OVCH1: variants seen among roughly 807,000 people sequenced by gnomAD.
OVCH1 encodes the protein ovochymase 1.
In OVCH1, 139 loss-of-function variants were observed where a neutral mutation model predicts 138.4. The observed-to-expected ratio is 1.00, with a 90% CI of 0.87 to 1.16. The LOEUF (loss-of-function observed/expected upper bound fraction) is 1.16, where lower values mean the gene tolerates loss of function less well. OVCH1 is among the 50% of genes most tolerant of loss of function. OVCH1 has a pLI of 0.00. For missense variants in OVCH1, 1,367 were observed against 1,357.9 expected (o/e 1.01, Z -0.11); for synonymous variants, 453 against 467.8 (o/e 0.97, Z 0.41).
At chr12:29,478,957 C>A in intron 8 of OVCH1, 2 of 1,375,862 alleles carry the variant, frequency 1.5e-6, no homozygotes, top group Non-Finnish European at 2.0e-6. Context: ...CATTATTTTC[C>A]AAACATATAA....
downstream of OVCH1, among the ~76,000 whole-genome samples, chr12:29,423,602 G>C (rs973765551): frequency 6.6e-6 from 1 of 152,182 alleles, no homozygotes; most frequent in African/African-American, 2.4e-5. Context: ...ACTAGACAGA[G>C]ACACAAAAGT....
intron 27 of OVCH1, among the ~76,000 whole-genome samples, chr12:29,429,204 C>CCAT (rs1941228673): frequency 6.6e-6 from 1 of 152,156 alleles, no homozygotes; most frequent in Non-Finnish European, 1.5e-5. Flanking sequence ...AAAAAAGTTA[C>CCAT]CATCTAAAAA....
intron 14 of OVCH1, among the ~76,000 whole-genome samples, chr12:29,474,770 AC>A (rs1405919429): frequency 4.6e-5 from 7 of 152,116 alleles, no homozygotes; most frequent in Non-Finnish European, 1.0e-4. Flanking sequence ...TTTCTGAATT[AC>A]CTTCTTTAAT....
At chr12:29,405,214 G>A in the OVCH1 span, among the ~76,000 whole-genome samples, 1 of 151,974 alleles carries the variant, frequency 6.6e-6, no homozygotes, top group Non-Finnish European at 1.5e-5. Flanking sequence ...ACTTAACAAT[G>A]TATTTATTCT....
At chr12:29,454,227 C>T (rs1031559760) in intron 21 of OVCH1, among the ~76,000 whole-genome samples, 9 of 152,076 alleles carry the variant, frequency 5.9e-5, no homozygotes, top group African/African-American at 1.9e-4. Flanking sequence ...GCAATTCTAC[C>T]TTCTATATCT....
chr12:29,411,185 G>A (rs1278464870), downstream of OVCH1, among the ~76,000 whole-genome samples: 2 of 99,404 alleles, frequency 2.0e-5, no homozygotes, highest in East Asian at 5.7e-4. Context: ...CTCTGTATTG[G>A]TTATTCTAGT....
chr12:29,433,300 A>G (rs1941302259), intron 27 of OVCH1, among the ~76,000 whole-genome samples: 1 of 152,236 alleles, frequency 6.6e-6, no homozygotes, highest in Admixed American at 6.5e-5. Context: ...TGTTCTCGTG[A>G]TTATGAATAA....
At chr12:29,409,384 T>C (rs140123713), downstream of OVCH1, among the ~76,000 whole-genome samples, 4,123 of 152,250 alleles carry the variant, frequency 0.027, 175 homozygotes, top group African/African-American at 0.09. Context: ...TTTCTAGTTC[T>C]TTTAATTGTG....
rs951813812 is a variant in OVCH1, at chr12:29,420,846, G to C, written c.*71+2281C>G. Among the ~76,000 whole-genome samples the C allele has an allele frequency of 7.2e-5, 11 of 152,364 alleles. No homozygotes were observed. The East Asian group carries it at 2.1e-3, about 29-fold the overall frequency. ...CAGCTTTTAAAATGAAAAACTATTAGTGGTATGTGTATTGTTGAAGGACAG... is the reference window on the plus strand; with the variant it reads ...CAGCTTTTAAAATGAAAAACTATTACTGGTATGTGTATTGTTGAAGGACAG... On this transcript the variant is annotated intron_variant and NMD_transcript_variant, in intron 3 of 4. Coordinates refer to the OVCH1 transcript ENST00000539117.
At chr12:29,429,902 T>A (rs769035906) in intron 27 of OVCH1, among the ~76,000 whole-genome samples, 1 of 152,216 alleles carries the variant, frequency 6.6e-6, no homozygotes, top group Non-Finnish European at 1.5e-5. Flanking sequence ...CTTCTTGGTA[T>A]CCACAGATCC....
intron 3 of OVCH1, among the ~76,000 whole-genome samples, chr12:29,418,577 A>G (rs1941061740): frequency 6.6e-6 from 1 of 152,222 alleles, no homozygotes; most frequent in Admixed American, 6.5e-5. Flanking sequence ...GCAAAGGTTC[A>G]AAATATAGAA....
intron 3 of OVCH1, among the ~76,000 whole-genome samples, chr12:29,418,015 A>G (rs906024480): frequency 3.9e-5 from 6 of 152,122 alleles, no homozygotes; most frequent in Admixed American, 3.9e-4. Flanking sequence ...CTGGTTACAG[A>G]CCCCTGTGTG....
At chr12:29,449,595 T>A (rs1437201777) in intron 22 of OVCH1, among the ~76,000 whole-genome samples, 2 of 152,188 alleles carry the variant, frequency 1.3e-5, no homozygotes, top group African/African-American at 4.8e-5. Flanking sequence ...GTAACTTGTA[T>A]TCCTAGGTAT....
chr12:29,435,830 T>G (rs1387714473), intron 26 of OVCH1, among the ~76,000 whole-genome samples: 1 of 152,216 alleles, frequency 6.6e-6, no homozygotes, highest in Non-Finnish European at 1.5e-5. Flanking sequence ...TGCTCCACTA[T>G]GAATCCATTT....
At chr12:29,414,776 T>A (rs1195198797) in intron 3 of OVCH1, among the ~76,000 whole-genome samples, 1 of 152,170 alleles carries the variant, frequency 6.6e-6, no homozygotes, top group East Asian at 1.9e-4. Context: ...AATCCAGCAT[T>A]ATTAAAATTT....
exon 20 of OVCH1, chr12:29,455,285 T>C: frequency 6.2e-7 from 1 of 1,613,822 alleles, no homozygotes; most frequent in Non-Finnish European, 8.5e-7. Context: ...AAGAAGATCA[T>C]CACTCTGGCA....
exon 8 of OVCH1, chr12:29,486,296 C>T (rs1943103445): frequency 2.5e-6 from 4 of 1,613,722 alleles, no homozygotes; most frequent in Admixed American, 1.7e-5. Flanking sequence ...AACTCAGGGC[C>T]TTTGTTATAT....
At chr12:29,428,284 A>G (rs1941212344) in intron 27 of OVCH1, among the ~76,000 whole-genome samples, 1 of 152,134 alleles carries the variant, frequency 6.6e-6, no homozygotes, top group African/African-American at 2.4e-5. Flanking sequence ...AAATTGCTCT[A>G]CTTCCTGACA....
rs1410853469 is a variant in OVCH1, at chr12:29,439,357, A to ATG, written c.3233_3234dup (p.Tyr1079HisfsTer15). 2 of 1,581,420 alleles carry ATG rather than the reference A, an allele frequency of 1.3e-6. No homozygotes were observed. The highest frequency in any genetic ancestry group is 4.5e-5 in the East Asian group (2 of 44,064). On this transcript the variant is annotated frameshift_variant, in exon 26 of 28. Coordinates refer to ENST00000318184, the Ensembl canonical transcript of OVCH1. LOFTEE classifies it high-confidence loss of function. The stretch of plus-strand genomic sequence containing the variant: ...GAATTTTCCCATATATGCATGATAT[A>ATG]TGTGTTAATAAAATTCAGTTTTTCT...
Sources: gnomAD v4.1 joint callset for allele counts (sites outside exome capture counted in the v4.1 genomes callset) on GRCh38, gnomAD v4.1.1 for gene constraint, MANE v1.5 for transcripts, NCBI Gene and HGNC (gene_info 2026-07-23, HGNC 2026-07-21) for gene names.